PRLR: variants seen among roughly 807,000 people sequenced by gnomAD.
PRLR encodes the protein hPRL receptor.
A neutral mutation model predicts 40.2 loss-of-function variants in PRLR; 13 were observed. That is an observed-to-expected ratio of 0.32 (90% CI 0.21 to 0.51). The LOEUF (loss-of-function observed/expected upper bound fraction) is 0.51. Ranked by LOEUF, PRLR falls within the 20% of genes least tolerant of loss-of-function variation. The pLI is 0.97. For synonymous variants in PRLR, 269 were observed against 278.7 expected, an observed-to-expected ratio of 0.97 and a Z score of 0.35; for missense variants, 656 against 747.3, an observed-to-expected ratio of 0.88 and a Z score of 1.42.
At chr5:35,156,688 T>C (rs1281762782) in intron 1 of PRLR, among the ~76,000 whole-genome samples, 1 of 152,152 alleles carries the variant, frequency 6.6e-6, no homozygotes, top group Non-Finnish European at 1.5e-5. Flanking sequence ...ATGACTTCCA[T>C]GGATTGCTCT....
In PRLR at chr5:35,065,946, T is replaced by C. The variant is rs971974786; in HGVS notation, c.1012A>G (p.Met338Val). 2 of 1,614,160 alleles carry C rather than the reference T, an allele frequency of 1.2e-6. No homozygotes were observed. Among genetic ancestry groups the C allele is most frequent in the Admixed American group, 1.7e-5 (1 of 60,018 alleles). Residue 338 changes from methionine (M) to valine (V), a missense_variant, in exon 10 of 10, where the codon ATG becomes GTG. Transcript: ENST00000618457. ...TCAGGATCCAGGTATGTGGGTTTCA[T>C]ACCTTGACTTGGGTGTTCTTTTGAA... ...VHSKEHPSQG[M>V]KPTYLDPDTD... is the part of the protein sequence containing the mutation.
At chr5:35,135,029 A>G (rs1334637803) in intron 1 of PRLR, among the ~76,000 whole-genome samples, 4 of 152,218 alleles carry the variant, frequency 2.6e-5, no homozygotes, top group Non-Finnish European at 5.9e-5. Context: ...GACTGAAAGT[A>G]GAACAATCCA....
At position 35,058,463 on chromosome 5, in the gene PRLR, C is replaced by T. The variant is rs1015392949; in HGVS notation, c.*6626G>A. ...TGTCAGCAGTCACATGAAACAAAGC[C>T]GAGAGGCTGACTTTCAAACAACTGT... On this transcript the variant is annotated 3_prime_UTR_variant, in exon 10 of 10. Coordinates refer to ENST00000618457, the MANE Select transcript of PRLR (RefSeq NM_000949.7). 2.6e-5 allele frequency: 4 copies of T among 152,104 alleles called. No individual in the cohort carries two copies. The highest frequency in any genetic ancestry group is 4.4e-5 in the Non-Finnish European group (3 of 68,014). 9.4% of individuals were successfully genotyped at this position (152,104 alleles called of 1,614,324 possible).
chr5:35,177,096 G>A (rs1561349609), intron 1 of PRLR, among the ~76,000 whole-genome samples: 1 of 152,096 alleles, frequency 6.6e-6, no homozygotes, highest in Non-Finnish European at 1.5e-5. Context: ...CTTTGTTCAC[G>A]TGTTTGTCTG....
chr5:35,194,354 G>A (rs1400123450), intron 1 of PRLR, among the ~76,000 whole-genome samples: 1 of 152,206 alleles, frequency 6.6e-6, no homozygotes, highest in African/African-American at 2.4e-5. Context: ...CTCTCACTGA[G>A]CGTTGGTTAC....
intron 1 of PRLR, among the ~76,000 whole-genome samples, chr5:35,191,781 G>T (rs1404495387): frequency 6.6e-6 from 1 of 152,306 alleles, no homozygotes; most frequent in African/African-American, 2.4e-5. Context: ...TGGATACAGA[G>T]ATTTGGCTCT....
chr5:35,167,551 G>A (rs77980775), intron 1 of PRLR, among the ~76,000 whole-genome samples: 2 of 151,666 alleles, frequency 1.3e-5, no homozygotes, highest in African/African-American at 4.8e-5. Context: ...ATGTAATGTG[G>A]GAAAAAAGAA....
intron 2 of PRLR, among the ~76,000 whole-genome samples, chr5:35,101,004 A>G (rs1771843630): frequency 6.6e-6 from 1 of 152,214 alleles, no homozygotes; most frequent in Non-Finnish European, 1.5e-5. Context: ...GGGACAATCC[A>G]GAGACAACCA....
intron 1 of PRLR, among the ~76,000 whole-genome samples, chr5:35,146,893 T>C (rs951552880): frequency 3.3e-5 from 5 of 152,142 alleles, no homozygotes; most frequent in Non-Finnish European, 5.9e-5. Context: ...GCAAGGAAGA[T>C]AGATGGAAGT....
At chr5:35,142,761 T>C (rs1579725464) in intron 1 of PRLR, among the ~76,000 whole-genome samples, 1 of 152,232 alleles carries the variant, frequency 6.6e-6, no homozygotes, top group Admixed American at 6.5e-5. Context: ...ATTATGGTGG[T>C]GAGGTTACAG....
intron 5 of PRLR, among the ~76,000 whole-genome samples, chr5:35,075,121 T>C (rs546149478): frequency 1.3e-5 from 2 of 152,284 alleles, no homozygotes; most frequent in South Asian, 4.1e-4. Flanking sequence ...GCTCCCAGCG[T>C]GAGCAACACA....
chr5:35,155,727 C>T lies in PRLR; in HGVS notation c.-105-37605G>A, dbSNP rs375384236. Among the ~76,000 whole-genome samples the T allele has an allele frequency of 5.3e-5, 8 of 152,128 alleles. No homozygotes were observed. In the East Asian group the frequency reaches 5.8e-4, roughly 11 times the overall value. On this transcript the variant is annotated intron_variant, in intron 1 of 9. Coordinates refer to ENST00000618457, the MANE Select transcript of PRLR (RefSeq NM_000949.7). ...AAGCTAATAGAAGTCACTCCCAGGG[C>T]GTGAAGCTAGAACCAGGGCTTATTC...
chr5:35,116,099 T>A lies in PRLR; in HGVS notation c.-44+1962A>T, dbSNP rs557008868. Among the ~76,000 whole-genome samples, 3 of 151,966 alleles carry A rather than the reference T, an allele frequency of 2.0e-5. No individual in the cohort carries two copies. In the South Asian group the frequency reaches 6.3e-4, roughly 32 times the overall value. On this transcript the variant is annotated intron_variant, in intron 2 of 9. Transcript: ENST00000618457. ...GTATCTTTGTAATCCAAACACCAGG[T>A]TGGGAAAGGGTGGAGGATGATGGAG...
chr5:35,091,006 G>T (rs938315139), intron 2 of PRLR, among the ~76,000 whole-genome samples: 4 of 151,636 alleles, frequency 2.6e-5, no homozygotes, highest in African/African-American at 9.7e-5. Flanking sequence ...TAGAGACGGG[G>T]TTTCACCGTG....
intron 5 of PRLR, among the ~76,000 whole-genome samples, chr5:35,075,358 C>T (rs923867324): frequency 3.3e-5 from 5 of 152,370 alleles, no homozygotes; most frequent in South Asian, 2.1e-4. Flanking sequence ...GCTTTTCCAA[C>T]AGTCTTAGCA....
chr5:35,153,262 G>T (rs540592703), intron 1 of PRLR, among the ~76,000 whole-genome samples: 2 of 152,300 alleles, frequency 1.3e-5, no homozygotes, highest in South Asian at 4.1e-4. Flanking sequence ...CAGTTAATTT[G>T]CTTCTTGATA....
chr5:35,108,744 T>G (rs1772440730), intron 2 of PRLR, among the ~76,000 whole-genome samples: 2 of 152,206 alleles, frequency 1.3e-5, no homozygotes, highest in South Asian at 4.1e-4. Context: ...GAACATGCCA[T>G]GCTCATAGAT....
intron 1 of PRLR, among the ~76,000 whole-genome samples, chr5:35,184,837 C>T (rs1775383648): frequency 6.6e-6 from 1 of 152,310 alleles, no homozygotes; most frequent in Non-Finnish European, 1.5e-5. Flanking sequence ...TGTGAAGTCA[C>T]CTGACTGTTA....
chr5:35,194,095 C>T (rs573908281), intron 1 of PRLR, among the ~76,000 whole-genome samples: 2 of 152,296 alleles, frequency 1.3e-5, no homozygotes, highest in East Asian at 3.9e-4. Flanking sequence ...TTCAAATAAG[C>T]AACCAGCTCA....
Sources: allele counts gnomAD v4.1 joint callset (sites outside exome capture counted in the v4.1 genomes callset), GRCh38; gene constraint gnomAD v4.1.1; transcripts MANE v1.5; gene names NCBI Gene and HGNC (gene_info 2026-07-23, HGNC 2026-07-21).